Variants in APBB1IP observed in about 807,000 individuals in gnomAD.
APBB1IP encodes amyloid beta A4 precursor protein-binding family B member 1-interacting protein.
A neutral mutation model predicts 64.9 loss-of-function variants in APBB1IP; 27 were observed. The ratio of observed to expected loss-of-function variants is 0.42; its 90% CI spans 0.31 to 0.57. APBB1IP has a LOEUF of 0.57. Among genes scored for constraint, APBB1IP ranks in the 20% least tolerant of loss-of-function variants. The pLI is 0.20. For synonymous variants in APBB1IP, 392 were observed against 331.0 expected, an observed-to-expected ratio of 1.18 and a Z score of -2.00; for missense variants, 812 against 845.5, an observed-to-expected ratio of 0.96 and a Z score of 0.49.
At chr10:26,494,737 A>C (rs1835998574) in intron 3 of APBB1IP, among the ~76,000 whole-genome samples, 1 of 152,096 alleles carries the variant, frequency 6.6e-6, no homozygotes, top group African/African-American at 2.4e-5. Context: ...AGGCAGGAGA[A>C]TCATTTGAAC....
intron 14 of APBB1IP, among the ~76,000 whole-genome samples, chr10:26,566,090 C>A (rs1223224963): frequency 1.3e-5 from 2 of 152,124 alleles, no homozygotes; most frequent in South Asian, 4.2e-4. Context: ...AAGTTACATT[C>A]GTTTTTTTTG....
intron 13 of APBB1IP, 31 bp from the exon 14 acceptor site, chr10:26,562,295 C>T: frequency 6.7e-7 from 1 of 1,502,480 alleles, no homozygotes; most frequent in Non-Finnish European, 9.3e-7. Flanking sequence ...ATGCTTTGCT[C>T]ACTCTTCTTT....
intron 8 of APBB1IP, among the ~76,000 whole-genome samples, chr10:26,518,254 A>AT (rs60123054): frequency 0.35 from 49,337 of 139,102 alleles, 9,207 homozygotes; most frequent in Middle Eastern, 0.48. Flanking sequence ...CGCCCAGCCT[A>AT]TTTTTTTTTT....
chr10:26,519,252 C>T (rs898880741), intron 8 of APBB1IP, among the ~76,000 whole-genome samples: 1 of 152,114 alleles, frequency 6.6e-6, no homozygotes, highest in East Asian at 1.9e-4. Context: ...GATCGTGCCA[C>T]TGCACTCCAG....
At chr10:26,457,216 C>T (rs555824903) in intron 2 of APBB1IP, among the ~76,000 whole-genome samples, 13 of 152,142 alleles carry the variant, frequency 8.5e-5, no homozygotes, top group Non-Finnish European at 1.5e-4. Flanking sequence ...GTTTCTTCTC[C>T]GAGCCTTGTC....
intron 8 of APBB1IP, 44 bp downstream of exon 8, chr10:26,513,704 ATTTT>A: frequency 2.2e-6 from 3 of 1,376,892 alleles, no homozygotes; most frequent in East Asian, 2.6e-5. Flanking sequence ...AGTACAAAGG[ATTTT>A]TTTTTTTTTT....
intron 2 of APBB1IP, among the ~76,000 whole-genome samples, chr10:26,440,262 G>C (rs1044094801): frequency 3.9e-5 from 6 of 152,176 alleles, no homozygotes; most frequent in Non-Finnish European, 8.8e-5. Context: ...TCAGTAAAGT[G>C]AGATGATTGG....
chr10:26,567,255 T>C lies in APBB1IP; in HGVS notation c.1768T>C (p.Tyr590His). Residue 590 changes from tyrosine to histidine, a missense_variant, in exon 15 of 15, where the codon TAC (tyrosine) becomes CAC (histidine). Transcript: ENST00000376236. Reference sequence around the variant, plus strand: ...CTTCGTGCCCCCGCCCCCGCCGTCGTACGCAGGGATCGCGGGCTCAGAGCT... The same window carrying C: ...CTTCGTGCCCCCGCCCCCGCCGTCGCACGCAGGGATCGCGGGCTCAGAGCT... ...PDFVPPPPPS[Y>H]AGIAGSELPP... 2 of 1,282,250 alleles carry C rather than the reference T, an allele frequency of 1.6e-6. No homozygotes were observed. Among genetic ancestry groups the C allele is most frequent in the Non-Finnish European group, 2.0e-6 (2 of 1,007,394 alleles). The allele number at this position is 1,282,250 out of a possible 1,614,324, so 79.4% of individuals were successfully genotyped here. A position where few individuals can be genotyped will look rare whatever the true frequency, so the allele number is the denominator to read the frequency against.
chr10:26,540,057 C>T (rs1836678474), intron 10 of APBB1IP, among the ~76,000 whole-genome samples: 1 of 152,132 alleles, frequency 6.6e-6, no homozygotes, highest in African/African-American at 2.4e-5. Context: ...AGTAAAAATC[C>T]TTTCAAATGG....
intron 2 of APBB1IP, among the ~76,000 whole-genome samples, chr10:26,486,026 T>A (rs1835887113): frequency 6.6e-6 from 1 of 152,024 alleles, no homozygotes; most frequent in African/African-American, 2.4e-5. Flanking sequence ...GCCCAGGAGT[T>A]TGAGACCTGC....
chr10:26,486,042 C>A (rs1375889312), intron 2 of APBB1IP, among the ~76,000 whole-genome samples: 2 of 151,552 alleles, frequency 1.3e-5, no homozygotes, highest in Non-Finnish European at 2.9e-5. Context: ...CCTGCCTGGG[C>A]AACATAGCAA....
chr10:26,469,061 G>A (rs113563147), intron 2 of APBB1IP, among the ~76,000 whole-genome samples: 73 of 150,772 alleles, frequency 4.8e-4, no homozygotes, highest in African/African-American at 1.5e-3. Context: ...TTTGACTTCC[G>A]TTAGGGTCTC....
chr10:26,454,257 A>T (rs908010802), intron 2 of APBB1IP, among the ~76,000 whole-genome samples: 5 of 152,224 alleles, frequency 3.3e-5, no homozygotes, highest in African/African-American at 1.2e-4. Flanking sequence ...CCTGGCCAAC[A>T]TGACAAAAGC....
chr10:26,566,794 A>G (rs911353562), intron 14 of APBB1IP, among the ~76,000 whole-genome samples, 167 bp from the exon 15 acceptor site: 1 of 152,018 alleles, frequency 6.6e-6, no homozygotes, highest in Non-Finnish European at 1.5e-5. Flanking sequence ...AGGTCGAGGC[A>G]GGAGGATTGC....
intron 11 of APBB1IP, among the ~76,000 whole-genome samples, chr10:26,545,255 T>C (rs557947257): frequency 1.5e-4 from 23 of 152,364 alleles, no homozygotes; most frequent in South Asian, 1.0e-3. Context: ...TATTCTTTAT[T>C]AGGGTGAGCC....
intron 2 of APBB1IP, among the ~76,000 whole-genome samples, chr10:26,488,928 G>A (rs964066136): frequency 2.3e-4 from 35 of 152,172 alleles, no homozygotes; most frequent in Admixed American, 6.5e-5. Flanking sequence ...CTTGTCCCAT[G>A]TGTATGTACA....
intron 2 of APBB1IP, among the ~76,000 whole-genome samples, chr10:26,475,073 T>C (rs1835759694): frequency 6.6e-6 from 1 of 152,222 alleles, no homozygotes; most frequent in African/African-American, 2.4e-5. Context: ...AGGTTTCTGT[T>C]TGACTCTCGC....
chr10:26,511,066 T>C (rs1456312969), intron 6 of APBB1IP, among the ~76,000 whole-genome samples: 2 of 152,052 alleles, frequency 1.3e-5, no homozygotes, highest in Non-Finnish European at 2.9e-5. Flanking sequence ...GGTGGCCAGG[T>C]GTGGTGGCTC....
chr10:26,541,711 T>A lies in APBB1IP; in HGVS notation c.1155+19T>A. On this transcript the variant is annotated intron_variant, in intron 11 of 14. Coordinates refer to ENST00000376236, the MANE Select transcript of APBB1IP (RefSeq NM_019043.4). ...TTTAAAGGTATGTTATAAGAAGTCA[T>A]TCATTTAGATTTATAAGCAATTTGA... is the stretch of plus-strand genomic sequence containing the variant. 1 of 1,509,944 alleles carries A rather than the reference T, an allele frequency of 6.6e-7. No individual in the cohort carries two copies. The highest frequency in any genetic ancestry group is 9.0e-7 in the Non-Finnish European group (1 of 1,111,136). The allele number at this position is 1,509,944 out of a possible 1,614,324, so 93.5% of individuals were successfully genotyped here.
Sources: allele counts gnomAD v4.1 joint callset (sites outside exome capture counted in the v4.1 genomes callset), GRCh38; gene constraint gnomAD v4.1.1; transcripts MANE v1.5; gene names NCBI Gene and HGNC (gene_info 2026-07-23, HGNC 2026-07-21).